Variants in SGIP1 observed in about 807,000 individuals in gnomAD.
SGIP1 encodes the protein SH3GL interacting endocytic adaptor 1.
In SGIP1, 38 loss-of-function variants were observed where a neutral mutation model predicts 107.5. That is an observed-to-expected ratio of 0.35 (90% CI 0.27 to 0.46). The LOEUF (loss-of-function observed/expected upper bound fraction) is 0.46, where lower values mean the gene tolerates loss of function less well. Ranked by LOEUF, SGIP1 falls within the 20% of genes least tolerant of loss-of-function variation. The pLI is 1.00. For missense variants in SGIP1, 929 were observed against 1,019.5 expected, an observed-to-expected ratio of 0.91 and a Z score of 1.21; for synonymous variants, 365 against 366.1, an observed-to-expected ratio of 1.00 and a Z score of 0.03.
intron 2 of SGIP1, among the ~76,000 whole-genome samples, chr1:66,629,888 G>T (rs930362605): frequency 6.6e-6 from 1 of 152,106 alleles, no homozygotes; most frequent in Admixed American, 6.5e-5. Context: ...ACTGTCTCAG[G>T]TTCTTCACTT....
rs1255018802 is a variant in SGIP1 at position 66,750,672 on chromosome 1, A to C, written c.*7577A>C. On this transcript the variant is annotated 3_prime_UTR_variant, in exon 25 of 25. Coordinates refer to ENST00000371037, the MANE Select transcript of SGIP1 (RefSeq NM_032291.4). ...CTTTTTCCTACACGTCTATTTCAAA[A>C]GAGTATACTTTTTTCTGACAGCCAT... Among the ~76,000 whole-genome samples the C allele has an allele frequency of 6.6e-6, 1 of 152,240 alleles. No individual in the cohort carries two copies. Among genetic ancestry groups the C allele is most frequent in the East Asian group, 1.9e-4 (1 of 5,204 alleles).
chr1:66,654,451 A>G (rs12408208), intron 7 of SGIP1, among the ~76,000 whole-genome samples: 7 of 152,106 alleles, frequency 4.6e-5, no homozygotes, highest in Admixed American at 3.9e-4. Context: ...CACTTTATCA[A>G]TGATTATCTT....
intron 20 of SGIP1, among the ~76,000 whole-genome samples, chr1:66,730,581 C>T (rs2093962022): frequency 6.6e-6 from 1 of 152,182 alleles, no homozygotes; most frequent in African/African-American, 2.4e-5. Context: ...TCTTGCCCCT[C>T]TCCAATACAT....
Position 66,667,533 on chromosome 1 carries a change from C to A in SGIP1, c.475C>A (p.Arg159Ser). 3.1e-6 allele frequency: 5 copies of A among 1,613,674 alleles called. No homozygotes were observed. The highest frequency in any genetic ancestry group is 4.2e-6 in the Non-Finnish European group (5 of 1,179,692). Residue 159 changes from arginine (R) to serine (S), a missense_variant, in exon 9 of 25, where the codon CGC becomes AGC. By Grantham distance (110) the Arg-to-Ser change is moderately radical. Transcript: ENST00000371037. ...TCTTCCTTTTTGCTGATCACAGAGG[C>A]GCAGCCCGGTAAGAACTCTCAACAT... ...SPSPVRKSPR[R>S]SPGAIKRNLS...
At chr1:66,700,405 A>G (rs1047028778) in intron 18 of SGIP1, among the ~76,000 whole-genome samples, 7 of 151,562 alleles carry the variant, frequency 4.6e-5, no homozygotes, top group Non-Finnish European at 8.8e-5. Context: ...TAATGATTCA[A>G]ACTCTGGCCA....
chr1:66,648,172 A>G (rs1247989563), intron 7 of SGIP1, among the ~76,000 whole-genome samples: 1 of 152,174 alleles, frequency 6.6e-6, no homozygotes, highest in Non-Finnish European at 1.5e-5. Flanking sequence ...TGTGGGCCAC[A>G]CTAGGAAGGG....
At chr1:66,632,006 C>T (rs1222062085) in intron 2 of SGIP1, among the ~76,000 whole-genome samples, 1 of 152,142 alleles carries the variant, frequency 6.6e-6, no homozygotes, top group Admixed American at 6.5e-5. Flanking sequence ...TTCCAAAATA[C>T]CTCTAATACC....
chr1:66,545,320 C>T (rs1034252569), intron 1 of SGIP1, among the ~76,000 whole-genome samples: 1 of 152,190 alleles, frequency 6.6e-6, no homozygotes, highest in African/African-American at 2.4e-5. Flanking sequence ...CATTCCATTC[C>T]TTCTCTATAT....
rs1412823352 is a variant in SGIP1, at chr1:66,575,277, C to T, written c.10+40909C>T. Among the ~76,000 whole-genome samples the T allele has an allele frequency of 2.6e-5, 4 of 152,084 alleles. No individual in the cohort carries two copies. The East Asian group carries it at 7.7e-4, about 29-fold the overall frequency. On this transcript the variant is annotated intron_variant, in intron 1 of 24. Coordinates refer to ENST00000371037, the MANE Select transcript of SGIP1 (RefSeq NM_032291.4). Reference sequence around the variant, plus strand: ...CCTGTGTGAATTTCCAATAAGACTGCCAGTGATAGAACAAATTAAGGTCCT... The same window carrying T: ...CCTGTGTGAATTTCCAATAAGACTGTCAGTGATAGAACAAATTAAGGTCCT...
Position 66,679,730 on chromosome 1 carries a change from A to T in SGIP1, c.792A>T (p.Gly264=), listed in dbSNP as rs1466703075. The T allele has an allele frequency of 3.1e-6, 5 of 1,603,634 alleles. No homozygotes were observed. In the African/African-American group the frequency reaches 6.7e-5, roughly 22 times the overall value. The stretch of plus-strand genomic sequence containing the variant: ...TACCAGCTACCCCACCCCGAACAGG[A>T]TCCCCCTTAACAATTGGACCAGGTA... ...KNVPATPPRT[G]SPLTIGPGND... Residue 264 remains glycine (G), a synonymous_variant, in exon 14 of 25, where the codon GGA becomes GGT. Coordinates refer to ENST00000371037, the MANE Select transcript of SGIP1 (RefSeq NM_032291.4).
In SGIP1 at chr1:66,634,317, C is replaced by T. The variant is rs868540439; in HGVS notation, c.99+1223C>T. ...ATTGCTATTCCTTGCTTCTCTACCT[C>T]TGCCACTCTCAGTCTTGTCCTTATT... is the stretch of plus-strand genomic sequence containing the variant. On this transcript the variant is annotated intron_variant, in intron 3 of 24. Transcript: ENST00000371037. 3.3e-5 allele frequency among the ~76,000 whole-genome samples: 5 copies of T among 152,298 alleles called. 1 individual carries two copies. The South Asian group carries it at 1.0e-3, about 32-fold the overall frequency.
intron 7 of SGIP1, among the ~76,000 whole-genome samples, chr1:66,644,976 G>A (rs1190640650): frequency 1.3e-5 from 2 of 151,730 alleles, no homozygotes; most frequent in South Asian, 2.1e-4. Flanking sequence ...AGTAATGGTG[G>A]TATTTTAAAA....
intron 1 of SGIP1, among the ~76,000 whole-genome samples, chr1:66,592,897 C>CTTTTTTTTTTTTTTTTTTTTTTTT (rs35762612): frequency 3.6e-5 from 2 of 56,338 alleles, no homozygotes; most frequent in African/African-American, 8.6e-5. Flanking sequence ...TCTTCTTCTT[C>CTTTTTTTTTTTTTTTTTTTTTTTT]TTTTTTTTTT....
At chr1:66,612,246 C>T (rs1374282399) in intron 1 of SGIP1, among the ~76,000 whole-genome samples, 2 of 152,164 alleles carry the variant, frequency 1.3e-5, no homozygotes, top group Admixed American at 1.3e-4. Flanking sequence ...GAAAACTCAT[C>T]CACCGCTTTG....
At position 66,748,433 on chromosome 1, in the gene SGIP1, C is replaced by CAA. The variant is rs2094582046; in HGVS notation, c.*5339_*5340insAA. The CAA allele has an allele frequency of 2.6e-5, 4 of 151,880 alleles. No homozygotes were observed. Among genetic ancestry groups the CAA allele is most frequent in the Admixed American group, 2.6e-4 (4 of 15,254 alleles). The allele number at this position is 151,880 out of a possible 1,614,324, so 9.4% of individuals were successfully genotyped here. A position where few individuals can be genotyped will look rare whatever the true frequency, so the allele number is the denominator to read the frequency against. ...CAAATGTAAAGTCTGTTGAGTTGACCATGGTGAACCTCTTGATTGGCCCTC... is the reference window on the plus strand; with the variant it reads ...CAAATGTAAAGTCTGTTGAGTTGACCAAATGGTGAACCTCTTGATTGGCCCTC... On this transcript the variant is annotated 3_prime_UTR_variant, in exon 25 of 25. Coordinates refer to ENST00000371037, the MANE Select transcript of SGIP1 (RefSeq NM_032291.4).
chr1:66,589,801 A>G (rs2063336911), intron 1 of SGIP1, among the ~76,000 whole-genome samples: 1 of 152,032 alleles, frequency 6.6e-6, no homozygotes, highest in Admixed American at 6.6e-5. Context: ...GCCTATACAA[A>G]TCTCAAATAT....
chr1:66,587,865 A>T (rs2062876276), intron 1 of SGIP1, among the ~76,000 whole-genome samples: 1 of 152,148 alleles, frequency 6.6e-6, no homozygotes, highest in African/African-American at 2.4e-5. Flanking sequence ...GAAAGGAAAA[A>T]ACCCTTGTAA....
At chr1:66,657,004 CA>C (rs2079931239) in intron 7 of SGIP1, among the ~76,000 whole-genome samples, 1 of 151,624 alleles carries the variant, frequency 6.6e-6, no homozygotes. Flanking sequence ...CCCGTCTTTA[CA>C]AAAAATAAAA....
chr1:66,541,382 C>T (rs922450122), intron 1 of SGIP1, among the ~76,000 whole-genome samples: 1 of 152,244 alleles, frequency 6.6e-6, no homozygotes, highest in Admixed American at 6.5e-5. Flanking sequence ...GATACCCGTT[C>T]TGTGAATGTC....
Sources: allele counts gnomAD v4.1 joint callset (sites outside exome capture counted in the v4.1 genomes callset), GRCh38; gene constraint gnomAD v4.1.1; transcripts MANE v1.5; gene names NCBI Gene and HGNC (gene_info 2026-07-23, HGNC 2026-07-21).